Variants in GYS2 observed in about 807,000 individuals in gnomAD.
GYS2 encodes the protein glycogen synthase 2.
A neutral mutation model predicts 85.6 loss-of-function variants in GYS2; 80 were observed. The ratio of observed to expected loss-of-function variants is 0.93; its 90% CI spans 0.78 to 1.13. The LOEUF (loss-of-function observed/expected upper bound fraction) is 1.13, where lower values mean the gene tolerates loss of function less well. Ranked by LOEUF, GYS2 falls within the 50% of genes most tolerant of loss-of-function variation. The pLI is 0.00. For missense variants in GYS2, 881 were observed against 854.9 expected (o/e 1.03, Z -0.38); for synonymous variants, 328 against 300.7 (o/e 1.09, Z -0.94).
At position 21,604,692 on chromosome 12, in the gene GYS2, G is replaced by T; in HGVS notation, c.-100C>A. 1 of 1,585,816 alleles carries T rather than the reference G, an allele frequency of 6.3e-7. No individual in the cohort carries two copies. The highest frequency in any genetic ancestry group is 8.6e-7 in the Non-Finnish European group (1 of 1,163,046). ...AGGCACAAAAGTTAGAGTTGGTAGA[G>T]TTACCAGGCTTTGGTAGCTTCTCTT... On this transcript the variant is annotated 5_prime_UTR_variant, in exon 1 of 16. Coordinates refer to ENST00000261195, the MANE Select transcript of GYS2 (RefSeq NM_021957.4).
intron 1 of GYS2, among the ~76,000 whole-genome samples, chr12:21,596,040 T>C (rs146541573): frequency 3.8e-3 from 576 of 152,250 alleles, no homozygotes; most frequent in Admixed American, 7.9e-3. Flanking sequence ...GACCATATGA[T>C]AGGCCATGAA....
chr12:21,549,754 T>C (rs1416132209), intron 11 of GYS2, among the ~76,000 whole-genome samples: 1 of 152,242 alleles, frequency 6.6e-6, no homozygotes, highest in Non-Finnish European at 1.5e-5. Context: ...CTGTGTTCTT[T>C]TCATTGCATT....
intron 7 of GYS2, among the ~76,000 whole-genome samples, chr12:21,561,340 A>G (rs1416055087): frequency 6.6e-6 from 1 of 152,194 alleles, no homozygotes; most frequent in Non-Finnish European, 1.5e-5. Context: ...ATGAACCTCT[A>G]TGAAGGTTTA....
Position 21,560,374 on chromosome 12 carries a change from T to A in GYS2, c.1169+12A>T, listed in dbSNP as rs4639981. ...TTTATTGCTAGAGAACATTCACAGG[T>A]TGTGAGATTACCACAGCTGTTTTCG... On this transcript the variant is annotated intron_variant, in intron 8 of 15. Coordinates refer to ENST00000261195, the MANE Select transcript of GYS2 (RefSeq NM_021957.4). 0.8 allele frequency: 1,087,674 copies of A among 1,354,606 alleles called. 438,487 individuals are homozygous for A. The highest frequency in any genetic ancestry group is 0.82 in the Non-Finnish European group (770,004 of 943,076). The allele number at this position is 1,354,606 out of a possible 1,614,324, so 83.9% of individuals were successfully genotyped here. A position where few individuals can be genotyped will look rare whatever the true frequency, so the allele number is the denominator to read the frequency against.
intron 1 of GYS2, among the ~76,000 whole-genome samples, chr12:21,583,813 G>A (rs147757629): frequency 3.9e-4 from 59 of 152,302 alleles, no homozygotes; most frequent in Non-Finnish European, 8.2e-4. Context: ...AAAGTGGGCT[G>A]TGCACAGCAG....
intron 2 of GYS2, among the ~76,000 whole-genome samples, chr12:21,576,467 T>G (rs991872655): frequency 1.3e-5 from 2 of 152,204 alleles, no homozygotes; most frequent in Non-Finnish European, 2.9e-5. Flanking sequence ...TATTTTCTTT[T>G]ATGGAACAGG....
At chr12:21,604,420 C>G (rs961678317) in intron 1 of GYS2, 52 bp downstream of exon 1, 2 of 1,049,802 alleles carry the variant, frequency 1.9e-6, no homozygotes, top group African/African-American at 3.1e-5. Context: ...ACTCTACATT[C>G]CTCAGTCACC....
intron 7 of GYS2, among the ~76,000 whole-genome samples, chr12:21,562,047 C>T (rs1276711755): frequency 6.6e-6 from 1 of 152,076 alleles, no homozygotes; most frequent in Non-Finnish European, 1.5e-5. Context: ...GAATATAAAC[C>T]AATAGCTGCC....
At chr12:21,587,068 A>G (rs533832001) in intron 1 of GYS2, among the ~76,000 whole-genome samples, 1 of 152,314 alleles carries the variant, frequency 6.6e-6, no homozygotes, top group South Asian at 2.1e-4. Flanking sequence ...TCAGTGAAAT[A>G]ACTCAGAAAC....
At position 21,537,107 on chromosome 12, in the gene GYS2, A is replaced by T. The variant is rs1278504577; in HGVS notation, c.1959T>A (p.Ser653Arg). 1 of 1,613,776 alleles carries T rather than the reference A, an allele frequency of 6.2e-7. No homozygotes were observed. Among genetic ancestry groups the T allele is most frequent in the Non-Finnish European group, 8.5e-7 (1 of 1,179,788 alleles). ...CATCTTCCACATCACTGCTCTGAGG[A>T]CTGGAGGCCTGAGACCCTGAAGGAG... ...PPSPSGSQAS[S>R]PQSSDVEDEV... Residue 653 changes from serine (S) to arginine (R), a missense_variant, in exon 16 of 16, where the codon AGT becomes AGA. Coordinates refer to ENST00000261195, the MANE Select transcript of GYS2 (RefSeq NM_021957.4).
intron 4 of GYS2, among the ~76,000 whole-genome samples, chr12:21,570,887 A>G (rs1307281070): frequency 1.3e-5 from 2 of 152,268 alleles, no homozygotes; most frequent in Non-Finnish European, 2.9e-5. Context: ...GGAAAGAAGT[A>G]AAGAATGTTT....
intron 3 of GYS2, 25 bp downstream of exon 3, chr12:21,575,841 T>A: frequency 1.3e-6 from 2 of 1,561,222 alleles, no homozygotes; most frequent in East Asian, 2.2e-5. Flanking sequence ...GCTCCTCCGT[T>A]GTATCACTAT....
chr12:21,575,872 T>C lies in GYS2; in HGVS notation c.489A>G (p.Leu163=). ...ACTATATAATAAACCATACCTCTTT[T>C]AAGAACCAGGCAGTTAAAGATCCAA... is the stretch of plus-strand genomic sequence containing the variant. ...LIFGSLTAWF[L]KEVTDHADGK... The change falls in exon 3 of 16, where the codon TTA becomes TTG. Residue 163 remains leucine, a synonymous_variant. Transcript: ENST00000261195. The C allele has an allele frequency of 3.1e-6, 5 of 1,612,246 alleles. No individual in the cohort carries two copies. The highest frequency in any genetic ancestry group is 4.2e-6 in the Non-Finnish European group (5 of 1,178,388).
At chr12:21,600,737 G>T (rs1396427723) in intron 1 of GYS2, among the ~76,000 whole-genome samples, 5 of 152,062 alleles carry the variant, frequency 3.3e-5, no homozygotes, top group Admixed American at 6.6e-5. Flanking sequence ...ATTTCTGAAG[G>T]TTTAGAAACT....
intron 1 of GYS2, among the ~76,000 whole-genome samples, chr12:21,593,366 C>G (rs1198924075): frequency 6.8e-6 from 1 of 146,528 alleles, no homozygotes; most frequent in Admixed American, 6.8e-5. Context: ...GGATATAGCT[C>G]TAGCTAGACT....
chr12:21,538,839 G>C (rs1314310394), intron 15 of GYS2, among the ~76,000 whole-genome samples: 1 of 152,190 alleles, frequency 6.6e-6, no homozygotes, highest in Non-Finnish European at 1.5e-5. Context: ...CTGATGAATG[G>C]ACCATAAATG....
At chr12:21,534,374 A>C (rs1943891502), downstream of GYS2, among the ~76,000 whole-genome samples, 1 of 152,048 alleles carries the variant, frequency 6.6e-6, no homozygotes, top group Admixed American at 6.5e-5. Flanking sequence ...AAAATTAGCC[A>C]GCTGTGGTGG....
chr12:21,554,664 G>A (rs946799807), intron 11 of GYS2, among the ~76,000 whole-genome samples: 1 of 152,156 alleles, frequency 6.6e-6, no homozygotes, highest in African/African-American at 2.4e-5. Context: ...CTGGAGTAGA[G>A]GAATGTGTGT....
At chr12:21,591,298 A>G (rs1185742940) in intron 1 of GYS2, among the ~76,000 whole-genome samples, 1 of 152,132 alleles carries the variant, frequency 6.6e-6, no homozygotes, top group African/African-American at 2.4e-5. Flanking sequence ...TAGATACAAC[A>G]AGAATGAACC....
Sources: allele counts gnomAD v4.1 joint callset (sites outside exome capture counted in the v4.1 genomes callset), GRCh38; gene constraint gnomAD v4.1.1; transcripts MANE v1.5; gene names NCBI Gene and HGNC (gene_info 2026-07-23, HGNC 2026-07-21).